Variants in PTPRM observed in about 807,000 individuals in gnomAD.
PTPRM encodes the protein receptor-type tyrosine-protein phosphatase mu.
Under a neutral mutation model 186.7 loss-of-function variants are expected in PTPRM, and 47 were observed. That is an observed-to-expected ratio of 0.25 (90% CI 0.20 to 0.32). The LOEUF (loss-of-function observed/expected upper bound fraction) is 0.32. PTPRM is among the 10% of genes least tolerant of loss of function. The pLI is 1.00. For synonymous variants in PTPRM, 668 were observed against 674.9 expected, an observed-to-expected ratio of 0.99 and a Z score of 0.16; for missense variants, 1,494 against 1,865.0, an observed-to-expected ratio of 0.80 and a Z score of 3.66.
intron 1 of PTPRM, among the ~76,000 whole-genome samples, chr18:7,663,673 T>C (rs2039028170): frequency 6.6e-6 from 1 of 152,214 alleles, no homozygotes; most frequent in Non-Finnish European, 1.5e-5. Flanking sequence ...GGCCTTTTGT[T>C]TGAAAAGCAG....
intron 2 of PTPRM, among the ~76,000 whole-genome samples, chr18:7,846,653 T>A (rs977854027): frequency 2.0e-5 from 3 of 152,214 alleles, no homozygotes; most frequent in African/African-American, 7.2e-5. Flanking sequence ...GGCCATGTTT[T>A]ATTAATTTCA....
chr18:8,285,342 C>T (rs1568665688), intron 19 of PTPRM, among the ~76,000 whole-genome samples: 1 of 152,184 alleles, frequency 6.6e-6, no homozygotes, highest in African/African-American at 2.4e-5. Flanking sequence ...TCTGGTCCTA[C>T]ATCTCATTCT....
At chr18:8,381,380 G>A (rs78888609) in intron 29 of PTPRM, among the ~76,000 whole-genome samples, 2 of 134,584 alleles carry the variant, frequency 1.5e-5, no homozygotes, top group Non-Finnish European at 3.2e-5. Context: ...AAAAAAAAAA[G>A]TCTGAAGCAT....
intron 7 of PTPRM, among the ~76,000 whole-genome samples, chr18:7,993,208 A>G (rs1246871943): frequency 6.6e-6 from 1 of 152,078 alleles, no homozygotes; most frequent in Non-Finnish European, 1.5e-5. Flanking sequence ...AATTTTAAAA[A>G]GAAAGCCTAA....
chr18:7,984,571 C>A (rs1297256193), intron 7 of PTPRM, among the ~76,000 whole-genome samples: 10 of 72,560 alleles, frequency 1.4e-4, no homozygotes, highest in Admixed American at 9.5e-4. Context: ...TATATATGCC[C>A]CATATATATA....
chr18:7,875,175 G>A (rs2048175180), intron 2 of PTPRM, among the ~76,000 whole-genome samples: 1 of 151,990 alleles, frequency 6.6e-6, no homozygotes. Context: ...CAGCCTGGGT[G>A]ACAGAACGGG....
chr18:7,624,261 G>A (rs2144006309), intron 1 of PTPRM, among the ~76,000 whole-genome samples: 1 of 152,168 alleles, frequency 6.6e-6, no homozygotes, highest in South Asian at 2.1e-4. Flanking sequence ...GACTCTACAG[G>A]CTTCCCAAAG....
chr18:8,222,232 A>C (rs575111331), intron 14 of PTPRM, among the ~76,000 whole-genome samples: 1 of 152,340 alleles, frequency 6.6e-6, no homozygotes, highest in Non-Finnish European at 1.5e-5. Context: ...TAACAGAATG[A>C]ATACTGGAAA....
intron 1 of PTPRM, among the ~76,000 whole-genome samples, chr18:7,717,843 T>C: frequency 6.6e-6 from 1 of 152,216 alleles, no homozygotes; most frequent in African/African-American, 2.4e-5. Context: ...CAGCAAGTCT[T>C]GAGTGAGTGG....
At chr18:8,034,540 GA>G (rs1410424497) in intron 7 of PTPRM, among the ~76,000 whole-genome samples, 3 of 152,078 alleles carry the variant, frequency 2.0e-5, no homozygotes, top group Non-Finnish European at 4.4e-5. Flanking sequence ...CCACAAAAGA[GA>G]AACTGGAAGG....
intron 14 of PTPRM, among the ~76,000 whole-genome samples, chr18:8,192,995 T>C (rs1193562061): frequency 6.6e-6 from 1 of 152,140 alleles, no homozygotes; most frequent in East Asian, 1.9e-4. Flanking sequence ...ACAGAAAGCA[T>C]GTGGGGGACA....
At chr18:8,259,651 CT>C (rs375876416) in intron 19 of PTPRM, among the ~76,000 whole-genome samples, 38 of 148,104 alleles carry the variant, frequency 2.6e-4, no homozygotes, top group South Asian at 1.1e-3. Flanking sequence ...TAAAATCTTG[CT>C]TTTTTTTTTG....
chr18:8,376,791 C>T, intron 26 of PTPRM, 194 bp downstream of exon 26: 1 of 660,470 alleles, frequency 1.5e-6, no homozygotes, highest in Non-Finnish European at 2.3e-6. Context: ...CCAAACAAAC[C>T]CAGGAGTTTT....
intron 7 of PTPRM, among the ~76,000 whole-genome samples, chr18:7,990,590 A>T (rs8089387): frequency 6.6e-6 from 1 of 151,876 alleles, no homozygotes; most frequent in Non-Finnish European, 1.5e-5. Context: ...TTTATGATTC[A>T]GGAGTTCTTC....
At chr18:7,697,626 C>T (rs1015393317) in intron 1 of PTPRM, among the ~76,000 whole-genome samples, 9 of 152,180 alleles carry the variant, frequency 5.9e-5, no homozygotes, top group African/African-American at 1.4e-4. Context: ...CTTAAGGCAG[C>T]GAGGTGATCC....
intron 7 of PTPRM, among the ~76,000 whole-genome samples, chr18:7,983,185 C>A (rs1568126184): frequency 6.6e-6 from 1 of 152,114 alleles, no homozygotes; most frequent in Non-Finnish European, 1.5e-5. Flanking sequence ...GCGAGCATCA[C>A]CACCTGAGTT....
chr18:8,329,873 G>A (rs1355344983), intron 22 of PTPRM, among the ~76,000 whole-genome samples: 2 of 152,034 alleles, frequency 1.3e-5, no homozygotes, highest in African/African-American at 2.4e-5. Context: ...ATCATAGCTC[G>A]CTGTAGCCTC....
At chr18:8,227,233 A>G (rs2094224666) in intron 14 of PTPRM, among the ~76,000 whole-genome samples, 1 of 152,138 alleles carries the variant, frequency 6.6e-6, no homozygotes, top group African/African-American at 2.4e-5. Flanking sequence ...CCTTCAGGAG[A>G]CCATTCTGCC....
In PTPRM at chr18:7,928,105, A is replaced by G. The variant is rs886411912; in HGVS notation, c.663+1422A>G. ...GAGACATTTGAGTGTATGTCCCAAG[A>G]TTAATCAGCAATGCATTGTCAGATG... On this transcript the variant is annotated intron_variant, in intron 5 of 32. Transcript: ENST00000580170. Among the ~76,000 whole-genome samples, 4 of 152,130 alleles carry G rather than the reference A, an allele frequency of 2.6e-5. No homozygotes were observed. In the East Asian group the frequency reaches 5.8e-4, roughly 22 times the overall value.
Sources: gnomAD v4.1 joint callset for allele counts (sites outside exome capture counted in the v4.1 genomes callset) on GRCh38, gnomAD v4.1.1 for gene constraint, MANE v1.5 for transcripts, NCBI Gene and HGNC (gene_info 2026-07-23, HGNC 2026-07-21) for gene names.